SNX25: variants seen among roughly 807,000 people sequenced by gnomAD.
SNX25 encodes the protein sorting nexin-25.
A neutral mutation model predicts 113.7 loss-of-function variants in SNX25; 62 were observed. The ratio of observed to expected loss-of-function variants is 0.55; its 90% CI spans 0.44 to 0.67. The LOEUF (loss-of-function observed/expected upper bound fraction) is 0.67. SNX25 is among the 30% of genes least tolerant of loss of function. The pLI is 0.00. For missense variants in SNX25, 1,014 were observed against 1,161.0 expected (o/e 0.87, Z 1.84); for synonymous variants, 421 against 436.2 (o/e 0.97, Z 0.43).
At chr4:185,220,222 G>A (rs1433833215) in intron 1 of SNX25, among the ~76,000 whole-genome samples, 1 of 152,136 alleles carries the variant, frequency 6.6e-6, no homozygotes. Context: ...CGAAGCTTGA[G>A]TCTGTGACAT....
chr4:185,288,770 C>T (rs1751732565), intron 6 of SNX25, among the ~76,000 whole-genome samples: 2 of 152,160 alleles, frequency 1.3e-5, no homozygotes, highest in African/African-American at 4.8e-5. Flanking sequence ...CTAGAATATT[C>T]CCCTTTGCAT....
rs1223524204 is a variant in SNX25, at chr4:185,362,709, T to C, written c.2932T>C (p.Tyr978His). The change falls in exon 18 of 19, where the codon TAT becomes CAT. Residue 978 changes from tyrosine (Y) to histidine (H), a missense_variant and splice_region_variant. Coordinates refer to ENST00000652585, the MANE Select transcript of SNX25 (RefSeq NM_001378034.2). The part of the protein sequence containing the change: ...QETRANKHLL[Y>H]ALMELLLIEL... ...AACAAGAGCCAACAAGCATCTGTTATATGTGAGTAAATTAAAGCCCAGGGG... is the reference window on the plus strand; with the variant it reads ...AACAAGAGCCAACAAGCATCTGTTACATGTGAGTAAATTAAAGCCCAGGGG... 1 of 1,612,276 alleles carries C rather than the reference T, an allele frequency of 6.2e-7. No individual in the cohort carries two copies. Among genetic ancestry groups the C allele is most frequent in the Non-Finnish European group, 8.5e-7 (1 of 1,178,946 alleles).
downstream of SNX25, chr4:185,370,674 C>T: frequency 6.2e-7 from 1 of 1,613,964 alleles, no homozygotes; most frequent in South Asian, 1.1e-5. Flanking sequence ...TGTTTCATCC[C>T]TGGTGATGCC....
chr4:185,346,268 C>G (rs1403309799), intron 12 of SNX25, among the ~76,000 whole-genome samples: 1 of 152,228 alleles, frequency 6.6e-6, no homozygotes. Context: ...ATGTGCCACC[C>G]TGCGTGGTGT....
intron 12 of SNX25, among the ~76,000 whole-genome samples, chr4:185,343,832 A>G (rs1388145794): frequency 6.6e-6 from 1 of 152,226 alleles, no homozygotes; most frequent in Admixed American, 6.5e-5. Flanking sequence ...AGAAGCCATC[A>G]TAATAATAAC....
intron 1 of SNX25, among the ~76,000 whole-genome samples, chr4:185,241,689 T>A (rs1744079980): frequency 6.6e-6 from 1 of 151,146 alleles, no homozygotes; most frequent in South Asian, 2.1e-4. Flanking sequence ...AAAGCAAGAG[T>A]AGAGTACCCT....
intron 6 of SNX25, among the ~76,000 whole-genome samples, chr4:185,299,291 G>A (rs188104658): frequency 1.1e-4 from 17 of 152,292 alleles, no homozygotes; most frequent in Non-Finnish European, 1.2e-4. Context: ...TCATGTGCTC[G>A]TGCTTGATAT....
intron 2 of SNX25, among the ~76,000 whole-genome samples, chr4:185,248,225 A>C (rs1579464427): frequency 6.6e-6 from 1 of 152,222 alleles, no homozygotes; most frequent in Non-Finnish European, 1.5e-5. Context: ...AAATACTTCT[A>C]TTAGTAGTTA....
intron 1 of SNX25, among the ~76,000 whole-genome samples, chr4:185,221,766 C>T (rs1739897107): frequency 7.2e-6 from 1 of 138,940 alleles, no homozygotes; most frequent in African/African-American, 2.7e-5. Flanking sequence ...CGGGCTTTTT[C>T]TGTCTGTAGG....
At chr4:185,212,491 G>GTGTGTGTGTTTTTGTTTTTTTT (rs546083196) in intron 1 of SNX25, among the ~76,000 whole-genome samples, 1 of 104,942 alleles carries the variant, frequency 9.5e-6, no homozygotes, top group African/African-American at 3.7e-5. Flanking sequence ...GTGTGTGTGT[G>GTGTGTGTGTTTTTGTTTTTTTT]TTTTTTTTTT....
upstream of SNX25, among the ~76,000 whole-genome samples, chr4:185,208,392 C>G (rs972263457): frequency 2.0e-5 from 3 of 152,126 alleles, no homozygotes; most frequent in African/African-American, 7.2e-5. Flanking sequence ...AAAGTCACAT[C>G]TAGCATGAGG....
intron 1 of SNX25, among the ~76,000 whole-genome samples, chr4:185,245,069 G>T (rs35201112): frequency 0.34 from 51,110 of 151,756 alleles, 10,416 homozygotes; most frequent in East Asian, 0.55. Context: ...GAGGGCAACC[G>T]TAACATTAGC....
At chr4:185,348,274 T>G (rs1307246367) in intron 13 of SNX25, among the ~76,000 whole-genome samples, 1 of 152,224 alleles carries the variant, frequency 6.6e-6, no homozygotes, top group Admixed American at 6.5e-5. Context: ...AAGCTAGACA[T>G]TCTGAGACTG....
intron 8 of SNX25, among the ~76,000 whole-genome samples, chr4:185,322,434 A>G (rs1030416275): frequency 1.3e-5 from 2 of 152,228 alleles, no homozygotes; most frequent in Admixed American, 6.5e-5. Context: ...GGTCTTGGGG[A>G]AGGTGGGGGG....
intron 14 of SNX25, among the ~76,000 whole-genome samples, chr4:185,352,418 A>G (rs1256302308): frequency 6.6e-6 from 1 of 152,184 alleles, no homozygotes; most frequent in Non-Finnish European, 1.5e-5. Context: ...GGCGGAAGTC[A>G]GCACGTCCCA....
chr4:185,362,905 C>T (rs1294329012), intron 18 of SNX25, among the ~76,000 whole-genome samples, 194 bp downstream of exon 18: 6 of 148,164 alleles, frequency 4.0e-5, no homozygotes, highest in African/African-American at 1.0e-4. Context: ...TGCAATGGCA[C>T]GATCTTGGCT....
At chr4:185,359,650 T>C (rs1812114) in intron 16 of SNX25, among the ~76,000 whole-genome samples, 59,842 of 151,984 alleles carry the variant, frequency 0.39, 14,572 homozygotes, top group African/African-American at 0.69. Flanking sequence ...AAAAATTAGC[T>C]GGGCATGGTG....
At chr4:185,326,742 T>A (rs1029701100) in intron 9 of SNX25, among the ~76,000 whole-genome samples, 8 of 152,240 alleles carry the variant, frequency 5.3e-5, no homozygotes, top group Non-Finnish European at 8.8e-5. Context: ...TATATTAGTG[T>A]GCTATTAATG....
chr4:185,250,861 A>G (rs1481377153), intron 2 of SNX25, among the ~76,000 whole-genome samples: 1 of 151,886 alleles, frequency 6.6e-6, no homozygotes, highest in Non-Finnish European at 1.5e-5. Context: ...GGTTAGTCTG[A>G]TATAAGCTAT....
Sources: allele counts gnomAD v4.1 joint callset (sites outside exome capture counted in the v4.1 genomes callset), GRCh38; gene constraint gnomAD v4.1.1; transcripts MANE v1.5; gene names NCBI Gene and HGNC (gene_info 2026-07-23, HGNC 2026-07-21).